ROBO2: variants seen among roughly 807,000 people sequenced by gnomAD.
ROBO2 encodes roundabout guidance receptor 2.
Under a neutral mutation model 160.8 loss-of-function variants are expected in ROBO2, and 53 were observed. The ratio of observed to expected loss-of-function variants is 0.33; its 90% CI spans 0.26 to 0.41. The LOEUF is 0.41. ROBO2 is among the 10% of genes least tolerant of loss of function. The probability of loss-of-function intolerance (pLI) is 1.00; values close to 1 mark genes in which losing one functional copy is unlikely to be tolerated. For synonymous variants in ROBO2, 664 were observed against 611.7 expected (o/e 1.09, Z -1.26); for missense variants, 1,577 against 1,722.4 (o/e 0.92, Z 1.49).
chr3:77,371,287 T>C (rs1001853307), intron 2 of ROBO2, among the ~76,000 whole-genome samples: 1 of 152,178 alleles, frequency 6.6e-6, no homozygotes, highest in Admixed American at 6.5e-5. Context: ...TTTCAATTAG[T>C]ATGTCTCCTC....
At chr3:76,568,884 T>C (rs997711566) in intron 2 of ROBO2, among the ~76,000 whole-genome samples, 1 of 152,202 alleles carries the variant, frequency 6.6e-6, no homozygotes, top group African/African-American at 2.4e-5. Context: ...TGTAAATATA[T>C]TTTAGAATTG....
At position 76,452,540 on chromosome 3, in the gene ROBO2, T is replaced by C. The variant is rs539750918; in HGVS notation, c.109+514938T>C. 5.3e-5 allele frequency among the ~76,000 whole-genome samples: 8 copies of C among 152,306 alleles called. No homozygotes were observed. The East Asian group carries it at 1.5e-3, about 29-fold the overall frequency. The stretch of plus-strand genomic sequence containing the variant: ...TACGGCTGCATAGTATTCCATGGTG[T>C]ATATGTGCCACATTTTCTTAATCCA... On this transcript the variant is annotated intron_variant, in intron 2 of 26. Coordinates refer to the ROBO2 transcript ENST00000487694.
At chr3:76,454,747 T>G (rs2077664468) in intron 2 of ROBO2, among the ~76,000 whole-genome samples, 1 of 152,132 alleles carries the variant, frequency 6.6e-6, no homozygotes. Context: ...TGAAAAAGCC[T>G]TTTATCACTA....
At chr3:76,262,326 A>G (rs866193240) in intron 2 of ROBO2, among the ~76,000 whole-genome samples, 1 of 151,972 alleles carries the variant, frequency 6.6e-6, no homozygotes, top group East Asian at 1.9e-4. Flanking sequence ...TTCATTTACT[A>G]GGTGATTTTA....
intron 1 of ROBO2, 52 bp downstream of exon 1, chr3:77,040,898 C>A: frequency 6.2e-7 from 1 of 1,609,328 alleles, no homozygotes; most frequent in Non-Finnish European, 8.5e-7. Flanking sequence ...CCCCAATCCC[C>A]CAAAACCATT....
At chr3:76,921,989 C>T (rs2076691137) in intron 2 of ROBO2, among the ~76,000 whole-genome samples, 1 of 151,916 alleles carries the variant, frequency 6.6e-6, no homozygotes, top group South Asian at 2.1e-4. Flanking sequence ...TTTCTATGAA[C>T]AGATAAAAAT....
Position 76,706,388 on chromosome 3 carries a change from C to T in ROBO2, c.110-391626C>T, listed in dbSNP as rs146202831. Among the ~76,000 whole-genome samples, 1,110 of 152,086 alleles carry T rather than the reference C, an allele frequency of 7.3e-3. 16 individuals are homozygous for T. The highest frequency in any genetic ancestry group is 7.5e-3 in the Non-Finnish European group (513 of 67,982). The stretch of plus-strand genomic sequence containing the variant: ...GAAGGTACAGGCTTCCCATTTCTGC[C>T]ACCCAAAATTCAAAAGTGAAAATGT... On this transcript the variant is annotated intron_variant, in intron 2 of 26. Coordinates refer to the ROBO2 transcript ENST00000487694.
At chr3:76,185,334 G>A (rs928561993) in intron 2 of ROBO2, among the ~76,000 whole-genome samples, 11 of 150,962 alleles carry the variant, frequency 7.3e-5, no homozygotes, top group African/African-American at 2.7e-4. Context: ...ATTGCTTTAA[G>A]TTGCATCTGT....
At chr3:76,433,208 A>G (rs1405234231) in intron 2 of ROBO2, among the ~76,000 whole-genome samples, 1 of 152,212 alleles carries the variant, frequency 6.6e-6, no homozygotes, top group Non-Finnish European at 1.5e-5. Context: ...TCAAAAGGGA[A>G]TGTAAAGTTG....
intron 2 of ROBO2, among the ~76,000 whole-genome samples, chr3:76,534,166 C>A (rs1005449726): frequency 2.6e-5 from 4 of 151,916 alleles, no homozygotes; most frequent in Non-Finnish European, 5.9e-5. Context: ...CAAGCGTAAC[C>A]AGGGACTGTG....
At chr3:77,376,246 C>T (rs2072644255) in intron 2 of ROBO2, among the ~76,000 whole-genome samples, 1 of 150,944 alleles carries the variant, frequency 6.6e-6, no homozygotes, top group African/African-American at 2.4e-5. Context: ...CCTCCGCCTC[C>T]CAGGTTCAAG....
intron 2 of ROBO2, among the ~76,000 whole-genome samples, chr3:75,940,150 G>A (rs1576227907): frequency 6.6e-6 from 1 of 152,000 alleles, no homozygotes; most frequent in Non-Finnish European, 1.5e-5. Flanking sequence ...TAAGTCACTG[G>A]GGAGTCCCAA....
At chr3:76,039,082 G>T (rs2067204013) in intron 2 of ROBO2, among the ~76,000 whole-genome samples, 1 of 151,884 alleles carries the variant, frequency 6.6e-6, no homozygotes, top group African/African-American at 2.4e-5. Context: ...GTTTTAGGTA[G>T]AAGAAACTGC....
intron 2 of ROBO2, among the ~76,000 whole-genome samples, chr3:76,217,975 G>T (rs1376513814): frequency 6.6e-6 from 1 of 152,044 alleles, no homozygotes; most frequent in Admixed American, 6.6e-5. Context: ...TGATCAAGTG[G>T]GCTTCATCCT....
chr3:76,909,712 G>A (rs1034334269), intron 2 of ROBO2, among the ~76,000 whole-genome samples: 1 of 151,918 alleles, frequency 6.6e-6, no homozygotes, highest in African/African-American at 2.4e-5. Context: ...TGTCTTATTC[G>A]ACATTAGAGT....
intron 2 of ROBO2, among the ~76,000 whole-genome samples, chr3:76,538,400 C>G (rs1443847822): frequency 6.6e-6 from 1 of 152,004 alleles, no homozygotes; most frequent in Non-Finnish European, 1.5e-5. Context: ...CTTATTTTTT[C>G]CTTTTCTGAA....
chr3:76,054,888 A>G (rs967621581), intron 2 of ROBO2, among the ~76,000 whole-genome samples: 2 of 152,100 alleles, frequency 1.3e-5, no homozygotes, highest in Non-Finnish European at 2.9e-5. Flanking sequence ...CCTTAAGCTG[A>G]AGTTTGGGGA....
chr3:76,932,952 T>C (rs1309425099), intron 2 of ROBO2, among the ~76,000 whole-genome samples: 10 of 151,528 alleles, frequency 6.6e-5, no homozygotes, highest in Non-Finnish European at 1.5e-4. Context: ...GATTGAGAGA[T>C]CCTGAACAGA....
chr3:77,632,661 G>A (rs1368429110), intron 23 of ROBO2: 31 of 1,532,156 alleles, frequency 2.0e-5, no homozygotes, highest in Non-Finnish European at 2.6e-5. Flanking sequence ...GAACAGGTTG[G>A]TAGACTCCAA....
Sources: gnomAD v4.1 joint callset for allele counts (sites outside exome capture counted in the v4.1 genomes callset) on GRCh38, gnomAD v4.1.1 for gene constraint, MANE v1.5 for transcripts, NCBI Gene and HGNC (gene_info 2026-07-23, HGNC 2026-07-21) for gene names.